Variants in ZMIZ1 observed in about 807,000 individuals in gnomAD.
The protein encoded by ZMIZ1 is zinc finger MIZ domain-containing protein 1.
A neutral mutation model predicts 113.9 loss-of-function variants in ZMIZ1; 17 were observed. The observed-to-expected ratio is 0.15, with a 90% CI of 0.10 to 0.22. ZMIZ1 has a LOEUF of 0.22. Ranked by LOEUF, ZMIZ1 falls within the 10% of genes least tolerant of loss-of-function variation. The probability of loss-of-function intolerance (pLI) is 1.00; values close to 1 mark genes in which losing one functional copy is unlikely to be tolerated. For synonymous variants in ZMIZ1, 607 were observed against 603.1 expected (o/e 1.01, Z -0.09); for missense variants, 1,059 against 1,477.8 (o/e 0.72, Z 4.65).
intron 8 of ZMIZ1, among the ~76,000 whole-genome samples, chr10:79,280,955 G>A (rs1011426302): frequency 6.6e-6 from 1 of 152,140 alleles, no homozygotes; most frequent in Non-Finnish European, 1.5e-5. Flanking sequence ...TAACTCAGCC[G>A]TCCATCCCTC....
chr10:79,226,346 C>G (rs1007083095), intron 7 of ZMIZ1, among the ~76,000 whole-genome samples: 12 of 152,176 alleles, frequency 7.9e-5, no homozygotes, highest in African/African-American at 2.6e-4. Context: ...AACAGCTTCT[C>G]TGGAGATGCA....
chr10:79,263,235 T>A (rs1851376044), intron 7 of ZMIZ1, among the ~76,000 whole-genome samples: 1 of 152,236 alleles, frequency 6.6e-6, no homozygotes, highest in Non-Finnish European at 1.5e-5. Context: ...GTGGCTTCGG[T>A]CTTTGCAGGG....
intron 4 of ZMIZ1, among the ~76,000 whole-genome samples, chr10:79,166,480 G>T (rs560794840): frequency 5.9e-5 from 9 of 152,332 alleles, no homozygotes; most frequent in Middle Eastern, 3.4e-3. Flanking sequence ...TGGCCCTGCC[G>T]TGCCGGCCAC....
intron 16 of ZMIZ1, among the ~76,000 whole-genome samples, chr10:79,300,007 T>C (rs1854182120): frequency 6.6e-6 from 1 of 152,216 alleles, no homozygotes; most frequent in Non-Finnish European, 1.5e-5. Flanking sequence ...GCCTGGCACA[T>C]GCACACACAC....
chr10:79,314,639 GTTTT>G lies in ZMIZ1; in HGVS notation c.*1892_*1895del, dbSNP rs1324099897. On this transcript the variant is annotated 3_prime_UTR_variant, in exon 25 of 25. Transcript: ENST00000334512. ...TGACCTGGTTATAGCCTTTGCTGGT[GTTTT>G]TAAAATACCTGGACTCAATGACAAA... The G allele has an allele frequency of 5.2e-6, 1 of 190,910 alleles. No homozygotes were observed. Among genetic ancestry groups the G allele is most frequent in the Non-Finnish European group, 1.1e-5 (1 of 92,010 alleles). 11.8% of individuals were successfully genotyped at this position (190,910 alleles called of 1,614,324 possible). A position where few individuals can be genotyped will look rare whatever the true frequency, so the allele number is the denominator to read the frequency against.
At chr10:79,128,570 C>T (rs568384889) in intron 2 of ZMIZ1, among the ~76,000 whole-genome samples, 1 of 152,110 alleles carries the variant, frequency 6.6e-6, no homozygotes, top group South Asian at 2.1e-4. Flanking sequence ...GTGTGTACAT[C>T]ATGGGGCGTT....
chr10:79,132,777 G>GCAGGGC (rs1844826849), intron 2 of ZMIZ1, among the ~76,000 whole-genome samples: 1 of 152,216 alleles, frequency 6.6e-6, no homozygotes, highest in South Asian at 2.1e-4. Context: ...TGGGGTGGGG[G>GCAGGGC]CAGGGCCAGG....
intron 4 of ZMIZ1, among the ~76,000 whole-genome samples, chr10:79,175,628 GTGGAGGTTTT>G (rs201131879): frequency 0.02 from 2,133 of 108,276 alleles, 46 homozygotes; most frequent in East Asian, 0.06. Flanking sequence ...GTGTGTGTGT[GTGGAGGTTTT>G]TACAGACCCG....
At chr10:79,239,185 C>T (rs1444879228) in intron 7 of ZMIZ1, among the ~76,000 whole-genome samples, 1 of 152,214 alleles carries the variant, frequency 6.6e-6, no homozygotes, top group Non-Finnish European at 1.5e-5. Context: ...AGGAAGGGGT[C>T]TCTGGAGGCA....
chr10:79,236,546 G>A (rs1849598399), intron 7 of ZMIZ1, among the ~76,000 whole-genome samples: 1 of 152,156 alleles, frequency 6.6e-6, no homozygotes, highest in Non-Finnish European at 1.5e-5. Context: ...AGAAATCAAT[G>A]GGAAGAGATT....
At chr10:79,232,526 C>T (rs1413870680) in intron 7 of ZMIZ1, among the ~76,000 whole-genome samples, 1 of 152,038 alleles carries the variant, frequency 6.6e-6, no homozygotes, top group Non-Finnish European at 1.5e-5. Context: ...GATCACCTAG[C>T]CCAAGCCCCA....
chr10:79,238,001 A>G (rs1420502272), intron 7 of ZMIZ1, among the ~76,000 whole-genome samples: 1 of 152,208 alleles, frequency 6.6e-6, no homozygotes, highest in Non-Finnish European at 1.5e-5. Context: ...GAGCATGGCC[A>G]GTTCCTTCCT....
chr10:79,199,624 T>A (rs1046771511), intron 4 of ZMIZ1, among the ~76,000 whole-genome samples: 9 of 152,218 alleles, frequency 5.9e-5, no homozygotes, highest in Non-Finnish European at 1.3e-4. Flanking sequence ...TTTATGTTTT[T>A]AAAAATGTGG....
chr10:79,305,066 T>C (rs1854589459), intron 19 of ZMIZ1, 98 bp from the exon 20 acceptor site: 3 of 1,382,788 alleles, frequency 2.2e-6, no homozygotes, highest in Admixed American at 3.5e-5. Context: ...CAGCCTATCT[T>C]TCTCTCTGGT....
chr10:79,278,606 C>T (rs2131979203), intron 8 of ZMIZ1, among the ~76,000 whole-genome samples: 1 of 151,252 alleles, frequency 6.6e-6, no homozygotes, highest in Non-Finnish European at 1.5e-5. Context: ...TGTTTGTGTC[C>T]CTGGGTACTT....
chr10:79,228,550 G>A (rs1227102853), intron 7 of ZMIZ1, among the ~76,000 whole-genome samples: 1 of 151,920 alleles, frequency 6.6e-6, no homozygotes, highest in Non-Finnish European at 1.5e-5. Flanking sequence ...TGGCACACAG[G>A]GGCAGGGAGG....
At chr10:79,260,022 C>T (rs1365197414) in intron 7 of ZMIZ1, among the ~76,000 whole-genome samples, 2 of 152,228 alleles carry the variant, frequency 1.3e-5, no homozygotes, top group Non-Finnish European at 2.9e-5. Flanking sequence ...CCGGTCTGGT[C>T]ATTCTGAGCT....
At chr10:79,226,668 A>T (rs1390170275) in intron 7 of ZMIZ1, among the ~76,000 whole-genome samples, 4 of 152,202 alleles carry the variant, frequency 2.6e-5, no homozygotes, top group Non-Finnish European at 5.9e-5. Flanking sequence ...GAAATGGAGC[A>T]GGGCCTCGGT....
chr10:79,162,029 G>C lies in ZMIZ1; in HGVS notation c.-130-24G>C, dbSNP rs1290619174. 8 of 399,012 alleles carry C rather than the reference G, an allele frequency of 2.0e-5. No individual in the cohort carries two copies. In the South Asian group the frequency reaches 8.9e-4, roughly 44 times the overall value. 24.7% of individuals were successfully genotyped at this position (399,012 alleles called of 1,614,324 possible). A position where few individuals can be genotyped will look rare whatever the true frequency, so the allele number is the denominator to read the frequency against. ...CCGGGCCTCTACTGTGGGTAGACCC[G>C]CTGACCTCCCACTTTCATTGCAGCA... On this transcript the variant is annotated intron_variant, in intron 3 of 24. Transcript: ENST00000334512.
Sources: allele counts gnomAD v4.1 joint callset (sites outside exome capture counted in the v4.1 genomes callset), GRCh38; gene constraint gnomAD v4.1.1; transcripts MANE v1.5; gene names NCBI Gene and HGNC (gene_info 2026-07-23, HGNC 2026-07-21).